The following GRIN2B variants were observed in gnomAD, a reference collection of about 807,000 sequenced individuals.
GRIN2B encodes glutamate ionotropic receptor NMDA type subunit 2B.
In GRIN2B, 5 loss-of-function variants were observed where a neutral mutation model predicts 114.5. That is an observed-to-expected ratio of 0.04 (90% CI 0.02 to 0.09). The LOEUF (loss-of-function observed/expected upper bound fraction) is 0.09. Ranked by LOEUF, GRIN2B falls within the 10% of genes least tolerant of loss-of-function variation. GRIN2B has a pLI of 1.00. For synonymous variants in GRIN2B, 787 were observed against 745.1 expected, an observed-to-expected ratio of 1.06 and a Z score of -0.92; for missense variants, 1,108 against 1,943.5, an observed-to-expected ratio of 0.57 and a Z score of 8.08.
chr12:13,903,442 C>T (rs539363688), intron 2 of GRIN2B, among the ~76,000 whole-genome samples: 13 of 152,084 alleles, frequency 8.5e-5, no homozygotes, highest in Admixed American at 4.6e-4. Context: ...TTGTTCAATT[C>T]GAAATAGTTT....
chr12:13,825,496 T>TGTGTGTGTGTGTGTGTG (rs1555144019), intron 3 of GRIN2B, among the ~76,000 whole-genome samples: 2 of 122,994 alleles, frequency 1.6e-5, no homozygotes, highest in African/African-American at 3.1e-5. Context: ...TATATATATT[T>TGTGTGTGTGTGTGTGTG]TGTGTGTGTG....
chr12:13,663,103 G>A (rs904576793), intron 5 of GRIN2B, among the ~76,000 whole-genome samples: 1 of 151,968 alleles, frequency 6.6e-6, no homozygotes, highest in Non-Finnish European at 1.5e-5. Flanking sequence ...TTGGTCCAGG[G>A]GCCACACTTT....
chr12:13,665,283 C>A (rs1949963810), intron 5 of GRIN2B, among the ~76,000 whole-genome samples: 1 of 151,966 alleles, frequency 6.6e-6, no homozygotes, highest in Non-Finnish European at 1.5e-5. Context: ...TTTCTTCCTT[C>A]TATTTTTGCT....
chr12:13,696,341 G>A (rs529209933), intron 4 of GRIN2B, among the ~76,000 whole-genome samples: 1 of 152,290 alleles, frequency 6.6e-6, no homozygotes, highest in East Asian at 1.9e-4. Context: ...GAGAATACTA[G>A]CTTGGAGTTC....
chr12:13,878,647 T>A (rs1866027068), intron 2 of GRIN2B, among the ~76,000 whole-genome samples: 1 of 152,218 alleles, frequency 6.6e-6, no homozygotes. Context: ...ACCTGAATTC[T>A]GCCACCACCA....
At chr12:13,616,385 G>T in intron 6 of GRIN2B, 70 bp downstream of exon 6, 1 of 1,132,446 alleles carries the variant, frequency 8.8e-7, no homozygotes, top group Non-Finnish European at 1.3e-6. Flanking sequence ...TCTCAGGCCA[G>T]CCAAGTGCTA....
intron 3 of GRIN2B, among the ~76,000 whole-genome samples, chr12:13,762,064 T>A (rs1863689114): frequency 1.3e-5 from 2 of 152,096 alleles, no homozygotes. Context: ...AGTGCAGTGG[T>A]GCAATCTCGG....
intron 3 of GRIN2B, among the ~76,000 whole-genome samples, chr12:13,775,423 C>T (rs1863986394): frequency 6.6e-6 from 1 of 152,128 alleles, no homozygotes; most frequent in African/African-American, 2.4e-5. Flanking sequence ...AGGAATGCAC[C>T]TGCCTCTCCG....
At chr12:13,962,833 C>T (rs1354516912) in intron 2 of GRIN2B, among the ~76,000 whole-genome samples, 1 of 152,170 alleles carries the variant, frequency 6.6e-6, no homozygotes, top group Non-Finnish European at 1.5e-5. Context: ...AGAAGAGTGC[C>T]AAAATTGCTG....
At chr12:13,972,798 C>T (rs1862952414) in intron 2 of GRIN2B, among the ~76,000 whole-genome samples, 1 of 152,220 alleles carries the variant, frequency 6.6e-6, no homozygotes, top group Admixed American at 6.5e-5. Context: ...GTGCCACACA[C>T]AGAGACCACA....
At chr12:13,804,648 C>T (rs570060715) in intron 3 of GRIN2B, among the ~76,000 whole-genome samples, 2 of 152,282 alleles carry the variant, frequency 1.3e-5, no homozygotes, top group South Asian at 4.1e-4. Context: ...ATTAAAACTT[C>T]TGATTTCCTA....
chr12:13,589,806 C>A (rs1233766466), intron 10 of GRIN2B, among the ~76,000 whole-genome samples: 1 of 152,076 alleles, frequency 6.6e-6, no homozygotes, highest in Non-Finnish European at 1.5e-5. Context: ...GCTCTCTGGG[C>A]TGGGAATGGA....
At chr12:13,931,362 G>C (rs1258151420) in intron 2 of GRIN2B, among the ~76,000 whole-genome samples, 3 of 152,112 alleles carry the variant, frequency 2.0e-5, no homozygotes, top group African/African-American at 7.2e-5. Flanking sequence ...TCTTATTTGT[G>C]AAATGATTCC....
chr12:13,596,394 G>T (rs752700510), intron 10 of GRIN2B, among the ~76,000 whole-genome samples: 4 of 152,188 alleles, frequency 2.6e-5, no homozygotes, highest in Non-Finnish European at 4.4e-5. Context: ...TACCAAGGTG[G>T]TTTATAGCCT....
intron 3 of GRIN2B, among the ~76,000 whole-genome samples, chr12:13,778,470 G>T (rs980924211): frequency 1.1e-4 from 17 of 152,338 alleles, no homozygotes; most frequent in African/African-American, 3.1e-4. Context: ...GCCTTAGGGA[G>T]GGGACAGGGT....
chr12:13,626,874 C>T (rs1412704568), intron 5 of GRIN2B, among the ~76,000 whole-genome samples: 1 of 135,106 alleles, frequency 7.4e-6, no homozygotes, highest in African/African-American at 2.7e-5. Context: ...TTGTGAACTG[C>T]CCCTTCCTCA....
intron 10 of GRIN2B, among the ~76,000 whole-genome samples, chr12:13,573,525 T>C (rs1268921368): frequency 7.7e-6 from 1 of 129,794 alleles, no homozygotes; most frequent in South Asian, 2.1e-4. Context: ...TATTTTTAAT[T>C]TGTGTCTCTA....
chr12:13,667,714 C>T (rs1565493988), intron 5 of GRIN2B, among the ~76,000 whole-genome samples: 1 of 152,104 alleles, frequency 6.6e-6, no homozygotes, highest in Non-Finnish European at 1.5e-5. Context: ...TGCAAATTAT[C>T]CATACATTAA....
At chr12:13,616,319 C>T (rs558142908) in intron 6 of GRIN2B, 136 bp downstream of exon 6, 6 of 717,560 alleles carry the variant, frequency 8.4e-6, no homozygotes, top group South Asian at 6.0e-5. Flanking sequence ...GCCAGTAATC[C>T]CACAGCTCAA....
Sources: gnomAD v4.1 joint callset for allele counts (sites outside exome capture counted in the v4.1 genomes callset) on GRCh38, gnomAD v4.1.1 for gene constraint, MANE v1.5 for transcripts, NCBI Gene and HGNC (gene_info 2026-07-23, HGNC 2026-07-21) for gene names.